Variants in WEE2 observed in about 807,000 individuals in gnomAD.
The protein encoded by WEE2 is WEE2 oocyte meiosis inhibiting kinase.
In WEE2, 50 loss-of-function variants were observed where a neutral mutation model predicts 60.1. The observed-to-expected ratio is 0.83, with a 90% CI of 0.66 to 1.05. The LOEUF (loss-of-function observed/expected upper bound fraction) is 1.05, where lower values mean the gene tolerates loss of function less well. WEE2 is among the 50% of genes least tolerant of loss of function. The pLI, the probability that WEE2 is intolerant of heterozygous loss-of-function variation, is 0.00. For missense variants in WEE2, 631 were observed against 684.3 expected (o/e 0.92, Z 0.87); for synonymous variants, 240 against 241.0 (o/e 1.00, Z 0.04).
chr7:141,718,211 T>C (rs935555142), intron 3 of WEE2, among the ~76,000 whole-genome samples: 4 of 152,158 alleles, frequency 2.6e-5, no homozygotes, highest in African/African-American at 7.2e-5. Context: ...TTCTTCAGGA[T>C]TGGGACACTG....
intron 7 of WEE2, 60 bp from the exon 8 acceptor site, chr7:141,724,130 G>A (rs972971631): frequency 4.4e-6 from 7 of 1,581,600 alleles, no homozygotes; most frequent in Non-Finnish European, 6.0e-6. Context: ...TTTTAAGAAA[G>A]ACATGCTTTT....
chr7:141,720,389 T>C (rs936506399), intron 4 of WEE2, among the ~76,000 whole-genome samples: 3 of 152,138 alleles, frequency 2.0e-5, no homozygotes, highest in Non-Finnish European at 2.9e-5. Flanking sequence ...GGATTTTCTA[T>C]TCCATAAGGA....
intron 5 of WEE2, 81 bp downstream of exon 5, chr7:141,721,137 A>G: frequency 1.3e-6 from 2 of 1,553,032 alleles, no homozygotes; most frequent in Non-Finnish European, 1.8e-6. Context: ...CCTCCTCCTC[A>G]TAGTTCATTC....
chr7:141,724,107 C>T lies in WEE2; in HGVS notation c.1135+59C>T, dbSNP rs1798969164. 8 of 1,566,378 alleles carry T rather than the reference C, an allele frequency of 5.1e-6. No individual in the cohort carries two copies. The South Asian group carries it at 8.1e-5, about 16-fold the overall frequency. Reference sequence around the variant, plus strand: ...TATCCTATAAAATTTATAGTGATGACTCAATTTATTCATTTTAAGAAAGAC... The same window carrying T: ...TATCCTATAAAATTTATAGTGATGATTCAATTTATTCATTTTAAGAAAGAC... On this transcript the variant is annotated intron_variant, in intron 7 of 11. Transcript: ENST00000397541.
At position 141,711,874 on chromosome 7, in the gene WEE2, G is replaced by C. The variant is rs1798715580; in HGVS notation, c.343-2335G>C. On this transcript the variant is annotated intron_variant, in intron 1 of 11. Coordinates refer to ENST00000397541, the MANE Select transcript of WEE2 (RefSeq NM_001105558.1). The surrounding 1 kb of genome is among the most constrained non-coding windows in gnomAD (Gnocchi z 4.2). ...AACAAGGCAGCTTGTTACATGGTGA[G>C]AGAAAAAGTGAGACAGTGGAAGCAA... The C allele has an allele frequency of 6.6e-6, 1 of 151,998 alleles. No homozygotes were observed. Among genetic ancestry groups the C allele is most frequent in the South Asian group, 2.1e-4 (1 of 4,834 alleles). 9.4% of individuals were successfully genotyped at this position (151,998 alleles called of 1,614,324 possible). A position where few individuals can be genotyped will look rare whatever the true frequency, so the allele number is the denominator to read the frequency against.
rs1563010910 is a variant in WEE2 at position 141,708,811 on chromosome 7, A to G, written c.53A>G (p.Tyr18Cys). 2.5e-6 allele frequency: 4 copies of G among 1,614,144 alleles called. No homozygotes were observed. Among genetic ancestry groups the G allele is most frequent in the Non-Finnish European group, 3.4e-6 (4 of 1,180,016 alleles). ...KELRQKLNFS[Y>C]CEETEIEGQK... ...CTAAGGCAGAAATTAAACTTTTCCT[A>G]TTGTGAGGAGACTGAGATTGAAGGG... is the stretch of plus-strand genomic sequence containing the variant. The change falls in exon 1 of 12, where the codon TAT becomes TGT. Residue 18 changes from tyrosine to cysteine, a missense_variant. Transcript: ENST00000397541.
chr7:141,725,738 A>T (rs1799005590), intron 9 of WEE2, among the ~76,000 whole-genome samples: 1 of 152,142 alleles, frequency 6.6e-6, no homozygotes, highest in African/African-American at 2.4e-5. Context: ...ATCCTGTTAC[A>T]AACATTTTTT....
At chr7:141,725,220 A>G in intron 9 of WEE2, 24 bp downstream of exon 9, 1 of 1,600,976 alleles carries the variant, frequency 6.2e-7, no homozygotes, top group Non-Finnish European at 8.5e-7. Flanking sequence ...CGAGATGAAC[A>G]GAAGATGCAA....
At chr7:141,723,417 T>A in intron 6 of WEE2, 137 bp downstream of exon 6, 2 of 997,214 alleles carry the variant, frequency 2.0e-6, no homozygotes, top group Non-Finnish European at 2.9e-6. Context: ...TTGTGTTCCT[T>A]AAAAAAAATC....
chr7:141,722,241 C>T (rs1406632465), intron 5 of WEE2, among the ~76,000 whole-genome samples: 1 of 152,068 alleles, frequency 6.6e-6, no homozygotes, highest in Non-Finnish European at 1.5e-5. Context: ...CCCGTCTCTT[C>T]TAAAAATACA....
At chr7:141,717,393 T>G (rs1798824551) in intron 3 of WEE2, among the ~76,000 whole-genome samples, 1 of 152,260 alleles carries the variant, frequency 6.6e-6, no homozygotes, top group African/African-American at 2.4e-5. Flanking sequence ...TTCTGACTTA[T>G]GCCTCCATTA....
Position 141,714,261 on chromosome 7 carries a change from GC to G in WEE2, c.398del (p.Pro133LeufsTer4), listed in dbSNP as rs1798757247. ...ISPTGKLPSR[G>X]PKHLKLTPAP... ...CCAACAGGGAAGCTTCCTTCCAGAG[GC>G]CCTAAGCATTTGAAGCTCACACCTG... On this transcript the variant is annotated frameshift_variant, in exon 2 of 12. Transcript: ENST00000397541. LOFTEE classifies it high-confidence loss of function. 2 of 1,613,658 alleles carry G rather than the reference GC, an allele frequency of 1.2e-6. No individual in the cohort carries two copies. The highest frequency in any genetic ancestry group is 1.1e-5 in the South Asian group (1 of 91,042).
intron 4 of WEE2, among the ~76,000 whole-genome samples, 181 bp downstream of exon 4, chr7:141,719,425 T>C (rs1798866037): frequency 6.6e-6 from 1 of 152,218 alleles, no homozygotes; most frequent in South Asian, 2.1e-4. Context: ...GAGATGTTAC[T>C]TCCTAAAATA....
chr7:141,716,822 C>G (rs1200111445), intron 3 of WEE2, among the ~76,000 whole-genome samples: 1 of 152,012 alleles, frequency 6.6e-6, no homozygotes, highest in Non-Finnish European at 1.5e-5. Context: ...GGGCATAGAG[C>G]CAGAGATTTA....
In WEE2 at chr7:141,718,988, A is replaced by T. The variant is rs971374617; in HGVS notation, c.586-84A>T. ...AAAAGTCTTTTTGAAAACTTGGAGC[A>T]ACTTAGGACTGTAATACTGTTTAAT... On this transcript the variant is annotated intron_variant, in intron 3 of 11. Transcript: ENST00000397541. The T allele has an allele frequency of 5.9e-6, 8 of 1,345,630 alleles. No individual in the cohort carries two copies. In the African/African-American group the frequency reaches 7.3e-5, roughly 12 times the overall value. 83.4% of individuals were successfully genotyped at this position (1,345,630 alleles called of 1,614,324 possible).
intron 2 of WEE2, among the ~76,000 whole-genome samples, chr7:141,715,836 T>C (rs902930028): frequency 1.3e-5 from 2 of 152,208 alleles, no homozygotes; most frequent in Admixed American, 6.5e-5. Flanking sequence ...TCTGTCTTGG[T>C]TTCCTAGTTT....
intron 9 of WEE2, among the ~76,000 whole-genome samples, chr7:141,725,700 G>A (rs1296977428): frequency 6.6e-6 from 1 of 150,392 alleles, no homozygotes; most frequent in Non-Finnish European, 1.5e-5. Flanking sequence ...GGAGGATATT[G>A]TAAAATCTTT....
chr7:141,715,907 A>G (rs76332795), intron 2 of WEE2, among the ~76,000 whole-genome samples: 4,190 of 152,294 alleles, frequency 0.028, 89 homozygotes, highest in Non-Finnish European at 0.04. Context: ...GCTCCAGCAC[A>G]TGGTGTTTTA....
In WEE2 at chr7:141,719,210, C is replaced by T. The variant is rs376320775; in HGVS notation, c.724C>T (p.Arg242Cys). ...RLDGCVYAIKRSMKTFTELSN... is the reference protein window; with the variant it reads ...RLDGCVYAIKCSMKTFTELSN... The stretch of plus-strand genomic sequence containing the variant: ...GGATGGATGTGTTTATGCAATAAAG[C>T]GCTCTATGAAAACTTTTACAGAATT... The change falls in exon 4 of 12, where the codon CGC (arginine) becomes TGC (cysteine). Residue 242 changes from arginine (R) to cysteine (C), a missense_variant. Physicochemically the swap from Arg to Cys is radical, Grantham distance 180 (BLOSUM62 -3). Transcript: ENST00000397541. The T allele has an allele frequency of 9.0e-5, 145 of 1,611,126 alleles. No homozygotes were observed. The highest frequency in any genetic ancestry group is 1.1e-4 in the Non-Finnish European group (128 of 1,178,678).
Sources: allele counts gnomAD v4.1 joint callset (sites outside exome capture counted in the v4.1 genomes callset), GRCh38; gene constraint gnomAD v4.1.1; non-coding constraint Gnocchi (gnomAD v3.1); transcripts MANE v1.5; gene names NCBI Gene and HGNC (gene_info 2026-07-23, HGNC 2026-07-21).